Variants in HDAC9 observed in about 807,000 individuals in gnomAD.
HDAC9 encodes MEF-2 interacting transcription repressor (MITR) protein.
HDAC9 carries 41 observed loss-of-function variants against 139.4 expected under a neutral mutation model. That is an observed-to-expected ratio of 0.29 (90% confidence interval 0.23 to 0.38). The LOEUF is 0.38. Among genes scored for constraint, HDAC9 ranks in the 10% least tolerant of loss-of-function variants. The pLI is 1.00. For synonymous variants in HDAC9, 517 were observed against 476.2 expected (o/e 1.09, Z -1.12); for missense variants, 1,147 against 1,297.0 (o/e 0.88, Z 1.78).
intron 21 of HDAC9, among the ~76,000 whole-genome samples, chr7:18,862,551 A>T (rs1373556555): frequency 1.3e-5 from 2 of 152,176 alleles, no homozygotes; most frequent in East Asian, 3.9e-4. Context: ...CACACTGTAG[A>T]AATCATTGCA....
chr7:18,853,295 T>A lies in HDAC9; in HGVS notation c.2684+17298T>A, dbSNP rs1342146859. Among the ~76,000 whole-genome samples the A allele has an allele frequency of 2.0e-5, 3 of 152,148 alleles. No homozygotes were observed. The East Asian group carries it at 5.8e-4, about 29-fold the overall frequency. On this transcript the variant is annotated intron_variant, in intron 21 of 25. Transcript: ENST00000686413. ...ATATTTATTAAAACAAATGGAAGAC[T>A]TCAATCCATACCAGAATAAATTTGT...
intron 1 of HDAC9, among the ~76,000 whole-genome samples, chr7:18,146,675 C>T (rs554077364): frequency 1.7e-4 from 26 of 152,230 alleles, no homozygotes; most frequent in Middle Eastern, 3.4e-3. Flanking sequence ...ACATTATTTT[C>T]GATTCTTCTT....
At chr7:18,453,979 A>G (rs1407505253) in intron 1 of HDAC9, among the ~76,000 whole-genome samples, 1 of 152,158 alleles carries the variant, frequency 6.6e-6, no homozygotes, top group Admixed American at 6.6e-5. Context: ...AAGTACCAAG[A>G]TATTCTCGGA....
chr7:18,140,752 A>T (rs1562666307), intron 1 of HDAC9, among the ~76,000 whole-genome samples: 1 of 152,124 alleles, frequency 6.6e-6, no homozygotes, highest in Non-Finnish European at 1.5e-5. Context: ...ATACACATAT[A>T]TAGAATACAT....
intron 2 of HDAC9, among the ~76,000 whole-genome samples, chr7:18,512,039 T>C (rs1028645268): frequency 6.6e-6 from 1 of 151,344 alleles, no homozygotes; most frequent in African/African-American, 2.4e-5. Context: ...AAAAAAAATC[T>C]TCTCATTAGA....
intron 1 of HDAC9, among the ~76,000 whole-genome samples, chr7:18,130,403 T>C (rs1035922337): frequency 6.6e-6 from 1 of 152,094 alleles, no homozygotes; most frequent in Non-Finnish European, 1.5e-5. Flanking sequence ...TAGTGCCCAA[T>C]TCCCCAAATG....
At chr7:18,487,466 G>T (rs970030875) in intron 1 of HDAC9, among the ~76,000 whole-genome samples, 4 of 152,026 alleles carry the variant, frequency 2.6e-5, no homozygotes, top group Non-Finnish European at 5.9e-5. Context: ...AAACTTGAAT[G>T]GCCTTAGAGT....
intron 1 of HDAC9, among the ~76,000 whole-genome samples, chr7:18,135,409 G>A (rs570089433): frequency 7.0e-4 from 97 of 139,022 alleles, no homozygotes; most frequent in Admixed American, 3.2e-3. Context: ...CCACTAACTC[G>A]TCATCTAGCA....
chr7:18,184,821 T>G (rs17346135), intron 2 of HDAC9, among the ~76,000 whole-genome samples: 5,217 of 152,306 alleles, frequency 0.034, 117 homozygotes, highest in Non-Finnish European at 0.048. Context: ...TATTTTAATA[T>G]TATAGTACTG....
At chr7:18,735,866 G>A (rs1786839949) in intron 13 of HDAC9, among the ~76,000 whole-genome samples, 1 of 152,198 alleles carries the variant, frequency 6.6e-6, no homozygotes, top group African/African-American at 2.4e-5. Flanking sequence ...CTAACCATGA[G>A]CATAGAAAGG....
chr7:18,658,527 A>G (rs895141348), intron 11 of HDAC9, among the ~76,000 whole-genome samples: 1 of 152,184 alleles, frequency 6.6e-6, no homozygotes, highest in Non-Finnish European at 1.5e-5. Flanking sequence ...CCTCTTTAAT[A>G]TTGCTTAGAA....
chr7:18,902,830 A>G (rs1467347937), intron 22 of HDAC9, among the ~76,000 whole-genome samples: 1 of 152,240 alleles, frequency 6.6e-6, no homozygotes, highest in Admixed American at 6.5e-5. Flanking sequence ...TAAGTGAAAT[A>G]TGTCTCTAGT....
chr7:18,592,453 T>C (rs543449931), intron 5 of HDAC9, among the ~76,000 whole-genome samples: 15 of 152,274 alleles, frequency 9.9e-5, no homozygotes, highest in Admixed American at 3.3e-4. Context: ...GATAATAAAC[T>C]AATAGATAAT....
chr7:18,661,171 T>A (rs1793011913), intron 11 of HDAC9, among the ~76,000 whole-genome samples: 1 of 151,980 alleles, frequency 6.6e-6, no homozygotes, highest in African/African-American at 2.4e-5. Flanking sequence ...GGAGGTTGAA[T>A]TGCCAGGGCT....
At chr7:18,306,794 T>G (rs1798942167) in intron 1 of HDAC9, among the ~76,000 whole-genome samples, 1 of 152,172 alleles carries the variant, frequency 6.6e-6, no homozygotes, top group South Asian at 2.1e-4. Flanking sequence ...ATATAAATTC[T>G]TCACTCCAAC....
intron 1 of HDAC9, among the ~76,000 whole-genome samples, chr7:18,098,681 A>G (rs920902232): frequency 2.6e-5 from 4 of 152,092 alleles, no homozygotes; most frequent in African/African-American, 7.2e-5. Context: ...CTTGGAACCT[A>G]CCTTTCCCTC....
rs1563008065 is a variant in HDAC9, at chr7:18,871,315, TG to T, written c.2685-3162del. Among the ~76,000 whole-genome samples, 3 of 152,158 alleles carry T rather than the reference TG, an allele frequency of 2.0e-5. No individual in the cohort carries two copies. The South Asian group carries it at 6.2e-4, about 32-fold the overall frequency. On this transcript the variant is annotated intron_variant, in intron 21 of 25. Transcript: ENST00000686413. ...GTCACCACAAGATATTCCAGAGTCA[TG>T]TAGTATTTTCCCTGATGCAGTGCTG... is the stretch of plus-strand genomic sequence containing the variant.
intron 2 of HDAC9, among the ~76,000 whole-genome samples, chr7:18,551,336 G>A (rs1161237365): frequency 6.6e-6 from 1 of 152,182 alleles, no homozygotes; most frequent in African/African-American, 2.4e-5. Context: ...AAGAGATCCA[G>A]GGCAGAGATA....
intron 2 of HDAC9, among the ~76,000 whole-genome samples, chr7:18,519,109 A>C (rs1804162062): frequency 6.6e-6 from 1 of 152,228 alleles, no homozygotes; most frequent in African/African-American, 2.4e-5. Context: ...TCATAGATCA[A>C]TATGAAAATG....
Sources: allele counts gnomAD v4.1 joint callset (sites outside exome capture counted in the v4.1 genomes callset), GRCh38; gene constraint gnomAD v4.1.1; transcripts MANE v1.5; gene names NCBI Gene and HGNC (gene_info 2026-07-23, HGNC 2026-07-21).